VPS13D: variants seen among roughly 807,000 people sequenced by gnomAD.
The protein encoded by VPS13D is vacuolar protein sorting 13 homolog D, also known as intermembrane lipid transfer protein VPS13D.
Under a neutral mutation model 461.9 loss-of-function variants are expected in VPS13D, and 187 were observed. That is an observed-to-expected ratio of 0.40 (90% CI 0.36 to 0.46). VPS13D has a LOEUF of 0.46. Ranked by LOEUF, VPS13D falls within the 20% of genes least tolerant of loss-of-function variation. The pLI is 0.60. For missense variants in VPS13D, 4,711 were observed against 5,364.9 expected (o/e 0.88, Z 3.81); for synonymous variants, 1,951 against 1,986.3 (o/e 0.98, Z 0.47).
chr1:12,254,805 G>A (rs1012653132), intron 7 of VPS13D, among the ~76,000 whole-genome samples: 8 of 152,146 alleles, frequency 5.3e-5, no homozygotes, highest in African/African-American at 1.9e-4. Flanking sequence ...TGGGATTACA[G>A]GTGTGAGCTA....
Position 12,258,043 on chromosome 1 carries a change from A to G in VPS13D, c.1050A>G (p.Val350=), listed in dbSNP as rs1277226144. ...DFMLHRARDA[V]SYTDKYFNKL... is the part of the protein sequence containing the mutation. ...TGTTGCACCGCGCTCGTGATGCTGT[A>G]TCTTACACTGACAAATATTTCAACA... Residue 350 remains valine, a synonymous_variant, in exon 10 of 70, where the codon GTA becomes GTG. Transcript: ENST00000620676. The G allele has an allele frequency of 1.2e-6, 2 of 1,614,110 alleles. No individual in the cohort carries two copies. Among genetic ancestry groups the G allele is most frequent in the African/African-American group, 2.7e-5 (2 of 74,934 alleles).
Position 12,279,415 on chromosome 1 carries a change from T to C in VPS13D, c.4451-84T>C. 1.4e-6 allele frequency: 2 copies of C among 1,426,766 alleles called. No homozygotes were observed. Among genetic ancestry groups the C allele is most frequent in the Middle Eastern group, 2.0e-4 (1 of 4,960 alleles). The allele number at this position is 1,426,766 out of a possible 1,614,324, so 88.4% of individuals were successfully genotyped here. A position where few individuals can be genotyped will look rare whatever the true frequency, so the allele number is the denominator to read the frequency against. On this transcript the variant is annotated intron_variant, in intron 19 of 69. Transcript: ENST00000620676. This position sits in a 1 kb window ranked among gnomAD's most constrained non-coding sequence, Gnocchi z 4.3. ...TGGTCTAAGTGTAACTCATGGGCTG[T>C]ATTTTGTATATTCTACGTTTAATCA... is the stretch of plus-strand genomic sequence containing the variant.
At chr1:12,260,917 A>G in intron 11 of VPS13D, 31 bp from the exon 12 acceptor site, 1 of 1,613,714 alleles carries the variant, frequency 6.2e-7, no homozygotes, top group Non-Finnish European at 8.5e-7. Context: ...ATCTTTGAGT[A>G]CTCATCTCTG....
At chr1:12,319,203 C>T (rs1023440856) in intron 31 of VPS13D, among the ~76,000 whole-genome samples, 1 of 152,166 alleles carries the variant, frequency 6.6e-6, no homozygotes, top group Non-Finnish European at 1.5e-5. Flanking sequence ...TCCTAGGCCT[C>T]CCAGGAGAAC....
At chr1:12,380,059 G>A (rs1318441286) in intron 57 of VPS13D, among the ~76,000 whole-genome samples, 4 of 152,132 alleles carry the variant, frequency 2.6e-5, no homozygotes, top group East Asian at 1.9e-4. Context: ...GTGAGCCACC[G>A]CGCCCAGCCC....
chr1:12,330,304 A>G (rs1004290011), intron 37 of VPS13D, among the ~76,000 whole-genome samples: 1 of 151,970 alleles, frequency 6.6e-6, no homozygotes, highest in African/African-American at 2.4e-5. Flanking sequence ...AGTCCCAGCT[A>G]CTTGGGAGGC....
rs1377649023 is a variant in VPS13D, at chr1:12,271,121, C to A, written c.2100C>A (p.Phe700Leu). ...TTGATCGTTTGCTAGTGGGTGATTT[C>A]ATTGTAAGTGGGCATCCATAAACAC... ...QTLDRLLVGD[F>L]IEESKRWTVR... Residue 700 changes from phenylalanine (F) to leucine (L), a missense_variant, in exon 17 of 70, where the codon TTC becomes TTA. By Grantham distance (22) the Phe-to-Leu change is conservative. Coordinates refer to ENST00000620676, the MANE Select transcript of VPS13D (RefSeq NM_015378.4). The A allele has an allele frequency of 1.2e-6, 2 of 1,613,870 alleles. No individual in the cohort carries two copies. The highest frequency in any genetic ancestry group is 2.7e-5 in the African/African-American group (2 of 74,902).
At chr1:12,257,167 C>T (rs1640949834) in intron 9 of VPS13D, 80 bp downstream of exon 9, 1 of 1,243,584 alleles carries the variant, frequency 8.0e-7, no homozygotes, top group Non-Finnish European at 1.2e-6. Flanking sequence ...ATATGCCTCA[C>T]TGTCCTTTAC....
chr1:12,323,863 G>A (rs1643109360), intron 35 of VPS13D, 83 bp downstream of exon 35: 4 of 1,412,828 alleles, frequency 2.8e-6, no homozygotes, highest in Non-Finnish European at 4.0e-6. Flanking sequence ...TCCACAAGGT[G>A]ACTTAGAGAG....
In VPS13D at chr1:12,234,301, C is replaced by T. The variant is rs1640077399; in HGVS notation, c.35C>T (p.Thr12Ile). 6.2e-7 allele frequency: 1 copy of T among 1,614,050 alleles called. No homozygotes were observed. The highest frequency in any genetic ancestry group is 2.2e-5 in the East Asian group (1 of 44,864). The change falls in exon 2 of 70, where the codon ACC becomes ATC. Residue 12 changes from threonine (T) to isoleucine (I), a missense_variant. Transcript: ENST00000620676. ...LEGLVAWVLN[T>I]YLGKYVNNLN... ...GGCCTTGTAGCCTGGGTTCTCAATA[C>T]CTATTTGGGAAAATATGTCAATAAC...
intron 68 of VPS13D, among the ~76,000 whole-genome samples, chr1:12,497,907 G>A (rs796124708): frequency 3.9e-5 from 6 of 152,320 alleles, no homozygotes; most frequent in African/African-American, 1.4e-4. Context: ...TTCAAAGAGA[G>A]AAGATCATGA....
Position 12,343,036 on chromosome 1 carries a change from G to A in VPS13D, c.8870G>A (p.Gly2957Glu). Residue 2957 changes from glycine to glutamate, a missense_variant, in exon 42 of 70, where the codon GGA becomes GAA. Gly to Glu is a moderately conservative substitution (Grantham distance 98). Around this residue, in one of 3 missense-constraint regions of VPS13D, gnomAD observed 4,411 missense variants for 4,937.8 expected, o/e 0.89. Transcript: ENST00000620676. ...ATTCCCTTTGAATTTGAAGCAAGAG[G>A]AAAGTTAAGACACAGGTAAAGTATG... ...EEIPFEFEAR[G>E]KLRHRHTHDL... is the part of the protein sequence containing the mutation. The A allele has an allele frequency of 6.2e-7, 1 of 1,612,810 alleles. No individual in the cohort carries two copies. The highest frequency in any genetic ancestry group is 8.5e-7 in the Non-Finnish European group (1 of 1,179,080).
At chr1:12,433,271 C>A (rs1238420914) in intron 65 of VPS13D, among the ~76,000 whole-genome samples, 7 of 148,250 alleles carry the variant, frequency 4.7e-5, no homozygotes, top group East Asian at 2.0e-4. Flanking sequence ...AAAAAAAAAA[C>A]AAAAAAACAA....
At chr1:12,247,457 T>C (rs1169773647) in intron 5 of VPS13D, among the ~76,000 whole-genome samples, 1 of 149,246 alleles carries the variant, frequency 6.7e-6, no homozygotes, top group Non-Finnish European at 1.5e-5. Context: ...GATAGCATTC[T>C]CTCTAACACC....
In VPS13D at chr1:12,419,085, T is replaced by C. The variant is rs192396277; in HGVS notation, c.12333+2258T>C. On this transcript the variant is annotated intron_variant, in intron 65 of 69. Transcript: ENST00000620676. ...TTGAAGCTTGAGGGTCAGCATGAGA[T>C]TATAACTTAGGCAGAAAGAAAGGGC... is the stretch of plus-strand genomic sequence containing the variant. Among the ~76,000 whole-genome samples, 8 of 152,324 alleles carry C rather than the reference T, an allele frequency of 5.3e-5. No homozygotes were observed. In the East Asian group the frequency reaches 1.5e-3, roughly 29 times the overall value.
chr1:12,449,343 T>C (rs1645232677), intron 65 of VPS13D, among the ~76,000 whole-genome samples: 4 of 151,602 alleles, frequency 2.6e-5, no homozygotes. Flanking sequence ...TGGATAGAAA[T>C]CTGGAATCCA....
intron 24 of VPS13D, among the ~76,000 whole-genome samples, chr1:12,298,931 C>A (rs1279567409): frequency 6.6e-6 from 1 of 152,210 alleles, no homozygotes; most frequent in Middle Eastern, 3.4e-3. Flanking sequence ...TCTTCCTTAT[C>A]ATTTTAGTGA....
intron 68 of VPS13D, 52 bp from the exon 69 acceptor site, chr1:12,506,801 A>T (rs1203203317): frequency 2.5e-6 from 4 of 1,588,922 alleles, no homozygotes; most frequent in African/African-American, 1.3e-5. Flanking sequence ...CCTCCCCCTG[A>T]TGCTGGGCGA....
chr1:12,404,489 A>G (rs1422977046), intron 63 of VPS13D, among the ~76,000 whole-genome samples: 4 of 152,194 alleles, frequency 2.6e-5, no homozygotes, highest in Admixed American at 6.5e-5. Context: ...CCACTGGGAT[A>G]TGGCCTTCTC....
Sources: gnomAD v4.1 joint callset for allele counts (sites outside exome capture counted in the v4.1 genomes callset) on GRCh38, gnomAD v4.1.1 for gene constraint, gnomAD v4.1.1 regional missense constraint, Gnocchi (gnomAD v3.1) non-coding constraint, MANE v1.5 for transcripts, NCBI Gene and HGNC (gene_info 2026-07-23, HGNC 2026-07-21) for gene names.